The following RSPO2 variants were observed in gnomAD, a reference collection of about 807,000 sequenced individuals.
The protein encoded by RSPO2 is R-spondin-2.
RSPO2 carries 14 observed loss-of-function variants against 30.9 expected under a neutral mutation model. The observed-to-expected ratio is 0.45, with a 90% confidence interval of 0.30 to 0.71. The LOEUF is 0.71. Among genes scored for constraint, RSPO2 ranks in the 30% least tolerant of loss-of-function variants. The pLI, the probability that RSPO2 is intolerant of heterozygous loss-of-function variation, is 0.08. For missense variants in RSPO2, 264 were observed against 301.9 expected (o/e 0.87, Z 0.93); for synonymous variants, 107 against 96.4 (o/e 1.11, Z -0.64).
chr8:108,068,537 T>C (rs1586676070), intron 2 of RSPO2, among the ~76,000 whole-genome samples: 1 of 152,334 alleles, frequency 6.6e-6, no homozygotes, highest in Middle Eastern at 3.4e-3. Context: ...AAAGGGTATT[T>C]GTTATGGGTT....
chr8:107,967,710 T>C (rs1195915987), intron 3 of RSPO2, among the ~76,000 whole-genome samples: 2 of 152,098 alleles, frequency 1.3e-5, no homozygotes, highest in Non-Finnish European at 2.9e-5. Flanking sequence ...GTTCAGATAG[T>C]TGGTATAGGA....
chr8:107,989,915 A>C (rs1157095513), intron 2 of RSPO2, among the ~76,000 whole-genome samples: 1 of 152,198 alleles, frequency 6.6e-6, no homozygotes, highest in Non-Finnish European at 1.5e-5. Flanking sequence ...ATGCTACCTT[A>C]ACATCAAGAT....
At chr8:107,922,569 T>C (rs1812209690) in intron 5 of RSPO2, among the ~76,000 whole-genome samples, 1 of 152,138 alleles carries the variant, frequency 6.6e-6, no homozygotes, top group Non-Finnish European at 1.5e-5. Context: ...ACCAATGACA[T>C]TTTTCATAGA....
At chr8:107,926,252 G>T (rs1586549356) in intron 5 of RSPO2, among the ~76,000 whole-genome samples, 1 of 152,062 alleles carries the variant, frequency 6.6e-6, no homozygotes, top group Non-Finnish European at 1.5e-5. Context: ...TGATGGGGTT[G>T]TTTTTTTCTT....
chr8:107,900,856 C>T lies in RSPO2; in HGVS notation c.*219G>A, dbSNP rs112708463. 5.9e-3 allele frequency: 2,728 copies of T among 465,276 alleles called. 44 individuals are homozygous for T. The highest frequency in any genetic ancestry group is 0.029 in the East Asian group (826 of 28,604). 28.8% of individuals were successfully genotyped at this position (465,276 alleles called of 1,614,324 possible). On this transcript the variant is annotated 3_prime_UTR_variant, in exon 6 of 6. Coordinates refer to ENST00000276659, the MANE Select transcript of RSPO2 (RefSeq NM_178565.5). ...TCTCAGCACACACTGAGCCAAGTCA[C>T]GGGCTGTGCACTTACTCCTGCCTTC...
At chr8:108,062,087 A>G (rs1304694255) in intron 2 of RSPO2, among the ~76,000 whole-genome samples, 4 of 151,928 alleles carry the variant, frequency 2.6e-5, no homozygotes, top group Non-Finnish European at 4.4e-5. Context: ...AAAGCAGGAA[A>G]GATCTAAAAT....
intron 2 of RSPO2, among the ~76,000 whole-genome samples, chr8:108,005,677 G>A (rs1283021889): frequency 6.6e-6 from 1 of 152,142 alleles, no homozygotes; most frequent in Admixed American, 6.5e-5. Context: ...TAGTTTTTAA[G>A]TTGTATTTTA....
chr8:107,929,786 C>T (rs1363660537), intron 5 of RSPO2, among the ~76,000 whole-genome samples: 1 of 152,088 alleles, frequency 6.6e-6, no homozygotes, highest in Non-Finnish European at 1.5e-5. Flanking sequence ...TTTCTTCCAC[C>T]TATCCAAATA....
chr8:107,998,618 C>T (rs1815111079), intron 2 of RSPO2, among the ~76,000 whole-genome samples: 1 of 151,926 alleles, frequency 6.6e-6, no homozygotes, highest in South Asian at 2.1e-4. Context: ...GTTAATAAAG[C>T]TTAAAGGTAA....
At chr8:107,910,898 T>TA (rs1811800453) in intron 5 of RSPO2, among the ~76,000 whole-genome samples, 1 of 152,058 alleles carries the variant, frequency 6.6e-6, no homozygotes, top group Non-Finnish European at 1.5e-5. Context: ...TCTCTATTTT[T>TA]AAAAAATTTT....
intron 2 of RSPO2, among the ~76,000 whole-genome samples, chr8:108,000,732 T>C (rs1815214608): frequency 6.6e-6 from 1 of 151,946 alleles, no homozygotes; most frequent in Non-Finnish European, 1.5e-5. Flanking sequence ...CCGGGCACGG[T>C]GGCTCATGCC....
chr8:107,972,062 G>A (rs689411), intron 3 of RSPO2, among the ~76,000 whole-genome samples: 81,480 of 152,036 alleles, frequency 0.54, 23,649 homozygotes, highest in East Asian at 0.7. Context: ...ATCTCAGCAT[G>A]GGGGCCTGAC....
At chr8:107,917,423 T>C (rs545713087) in intron 5 of RSPO2, among the ~76,000 whole-genome samples, 7 of 152,220 alleles carry the variant, frequency 4.6e-5, no homozygotes, top group African/African-American at 1.7e-4. Flanking sequence ...AGGTGGAGGC[T>C]GCAGTAAGCC....
intron 3 of RSPO2, among the ~76,000 whole-genome samples, chr8:107,963,435 G>A (rs1486693723): frequency 7.2e-6 from 1 of 138,366 alleles, no homozygotes; most frequent in Admixed American, 8.1e-5. Context: ...GAAGCAGGAG[G>A]ATCACTTGAG....
At chr8:107,937,784 C>T (rs895654360) in intron 5 of RSPO2, among the ~76,000 whole-genome samples, 6 of 152,044 alleles carry the variant, frequency 3.9e-5, no homozygotes, top group Non-Finnish European at 8.8e-5. Flanking sequence ...TTCTACATTA[C>T]GGCTTTTCTG....
At chr8:108,062,351 G>A (rs1290142102) in intron 2 of RSPO2, among the ~76,000 whole-genome samples, 2 of 151,490 alleles carry the variant, frequency 1.3e-5, no homozygotes, top group Non-Finnish European at 2.9e-5. Flanking sequence ...ATGACAAAGG[G>A]GATATCACCA....
chr8:107,954,639 T>C lies in RSPO2; in HGVS notation c.616+3441A>G, dbSNP rs564442892. ...TTTATTTATTTATTTTGAGACGGAG[T>C]CCTGCTCTGTCACCAGGCTGGAGTG... On this transcript the variant is annotated intron_variant, in intron 5 of 5. Transcript: ENST00000276659. 6.6e-5 allele frequency among the ~76,000 whole-genome samples: 10 copies of C among 151,694 alleles called. No individual in the cohort carries two copies. The East Asian group carries it at 2.0e-3, about 30-fold the overall frequency.
chr8:107,980,198 C>G (rs1389213988), intron 3 of RSPO2, among the ~76,000 whole-genome samples: 1 of 152,176 alleles, frequency 6.6e-6, no homozygotes, highest in Non-Finnish European at 1.5e-5. Flanking sequence ...GTCACCCTCA[C>G]AGTTCTTAGC....
chr8:107,946,363 A>G (rs770689962), intron 5 of RSPO2, among the ~76,000 whole-genome samples: 18 of 152,220 alleles, frequency 1.2e-4, no homozygotes, highest in Non-Finnish European at 2.5e-4. Flanking sequence ...AAGCCTGAGT[A>G]ACTAGAAGAC....
Sources: allele counts gnomAD v4.1 joint callset (sites outside exome capture counted in the v4.1 genomes callset), GRCh38; gene constraint gnomAD v4.1.1; transcripts MANE v1.5; gene names NCBI Gene and HGNC (gene_info 2026-07-23, HGNC 2026-07-21).